OSGEP: variants seen among roughly 807,000 people sequenced by gnomAD.
OSGEP encodes tRNA N6-adenosine threonylcarbamoyltransferase.
OSGEP carries 39 observed loss-of-function variants against 44.1 expected under a neutral mutation model. That is an observed-to-expected ratio of 0.88 (90% confidence interval 0.69 to 1.16). OSGEP has a LOEUF of 1.16. Ranked by LOEUF, OSGEP falls within the 50% of genes most tolerant of loss-of-function variation. The pLI is 0.00. For synonymous variants in OSGEP, 139 were observed against 161.9 expected (o/e 0.86, Z 1.07); for missense variants, 403 against 443.1 (o/e 0.91, Z 0.81).
chr14:20,448,015 G>GA (rs779682776), intron 7 of OSGEP, 21 bp from the exon 8 acceptor site: 1 of 1,601,418 alleles, frequency 6.2e-7, no homozygotes, highest in Admixed American at 1.7e-5. Context: ...CAGATAAGGA[G>GA]AAAATATTAG....
rs1880964149 is a variant in OSGEP, at chr14:20,447,032, G to C, written c.*208C>G. 3 of 569,840 alleles carry C rather than the reference G, an allele frequency of 5.3e-6. No homozygotes were observed. The East Asian group carries it at 8.4e-5, about 16-fold the overall frequency. The allele number at this position is 569,840 out of a possible 1,614,324, so 35.3% of individuals were successfully genotyped here. A position where few individuals can be genotyped will look rare whatever the true frequency, so the allele number is the denominator to read the frequency against. On this transcript the variant is annotated 3_prime_UTR_variant, in exon 11 of 11. Coordinates refer to ENST00000206542, the MANE Select transcript of OSGEP (RefSeq NM_017807.4). ...CCAGCACCAAATCTACATTGGTCCT[G>C]AACAACACAATCCAATCACCAACAT...
rs750126181 is a variant in OSGEP, at chr14:20,448,185, G to A, written c.637-14C>T. The A allele has an allele frequency of 6.8e-6, 11 of 1,607,668 alleles. No individual in the cohort carries two copies. Among genetic ancestry groups the A allele is most frequent in the Non-Finnish European group, 7.7e-6 (9 of 1,174,292 alleles). On this transcript the variant is annotated splice_polypyrimidine_tract_variant and intron_variant, in intron 6 of 10. Coordinates refer to ENST00000206542, the MANE Select transcript of OSGEP (RefSeq NM_017807.4). ...ATGGGCTACATCCTACAATTAAAGGGAAAAACAAAAGAATCAACAAATCAT... is the reference window on the plus strand; with the variant it reads ...ATGGGCTACATCCTACAATTAAAGGAAAAAACAAAAGAATCAACAAATCAT...
At chr14:20,448,049 C>T in intron 7 of OSGEP, 55 bp from the exon 8 acceptor site, 1 of 1,587,528 alleles carries the variant, frequency 6.3e-7, no homozygotes, top group Non-Finnish European at 8.7e-7. Context: ...ATTAGTTCTG[C>T]TCTACAATAT....
rs527587514 is a variant in OSGEP, at chr14:20,451,424, G to C, written c.411+550C>G. 1.3e-3 allele frequency: 241 copies of C among 179,658 alleles called. 1 individual carries two copies. Among genetic ancestry groups the C allele is most frequent in the African/African-American group, 5.4e-3 (226 of 41,698 alleles). 11.1% of individuals were successfully genotyped at this position (179,658 alleles called of 1,614,324 possible). A position where few individuals can be genotyped will look rare whatever the true frequency, so the allele number is the denominator to read the frequency against. On this transcript the variant is annotated intron_variant, in intron 3 of 10. Coordinates refer to ENST00000206542, the MANE Select transcript of OSGEP (RefSeq NM_017807.4). Reference sequence around the variant, plus strand: ...TGGGTTCAAGTGATTCTCCTGCCCAGCCTCCGGAGTTGCTAGGATTACAGG... The same window carrying C: ...TGGGTTCAAGTGATTCTCCTGCCCACCCTCCGGAGTTGCTAGGATTACAGG...
At chr14:20,451,731 T>C (rs571734352) in intron 3 of OSGEP, 32 of 369,366 alleles carry the variant, frequency 8.7e-5, no homozygotes, top group South Asian at 7.4e-4. Context: ...TTTCCTGAAG[T>C]AGAAATTCCT....
chr14:20,451,084 G>A (rs1307348643), intron 3 of OSGEP, among the ~76,000 whole-genome samples: 1 of 151,324 alleles, frequency 6.6e-6, no homozygotes, highest in Non-Finnish European at 1.5e-5. Context: ...ACTCCAACCT[G>A]GACAATAAGA....
In OSGEP at chr14:20,452,347, A is replaced by C; in HGVS notation, c.217T>G (p.Cys73Gly). 6.2e-7 allele frequency: 1 copy of C among 1,613,976 alleles called. No individual in the cohort carries two copies. Among genetic ancestry groups the C allele is most frequent in the Non-Finnish European group, 8.5e-7 (1 of 1,179,966 alleles). The change falls in exon 2 of 11, where the codon TGC becomes GGC. Residue 73 changes from cysteine to glycine, a missense_variant. By Grantham distance (159) the Cys-to-Gly change is radical. Transcript: ENST00000206542. ...GCCATACCCTTGGTGTATGCAATGCAGTCGATATCCTGGGAGGTTAATCCA... is the reference window on the plus strand; with the variant it reads ...GCCATACCCTTGGTGTATGCAATGCCGTCGATATCCTGGGAGGTTAATCCA... ...ESGLTSQDIDCIAYTKGPGMG... is the reference protein window; with the variant it reads ...ESGLTSQDIDGIAYTKGPGMG...
At position 20,448,007 on chromosome 14, in the gene OSGEP, G is replaced by T; in HGVS notation, c.703-13C>A. The T allele has an allele frequency of 1.2e-6, 2 of 1,609,224 alleles. No homozygotes were observed. Among genetic ancestry groups the T allele is most frequent in the South Asian group, 1.1e-5 (1 of 90,984 alleles). On this transcript the variant is annotated splice_polypyrimidine_tract_variant and intron_variant, in intron 7 of 10. Coordinates refer to ENST00000206542, the MANE Select transcript of OSGEP (RefSeq NM_017807.4). ...CAAACACAGTTTCCTGTCAGGGACA[G>T]ATAAGGAGAAAATATTAGAGGGGCA...
Position 20,449,017 on chromosome 14 carries a change from G to C in OSGEP, c.508-4C>G. The C allele has an allele frequency of 6.2e-7, 1 of 1,612,728 alleles. No homozygotes were observed. ...CTGGACTTGGGTCGTTAGAAATCTA[G>C]CAGAAGAAAAAAATAAGGAAGGAGG... is the stretch of plus-strand genomic sequence containing the variant. On this transcript the variant is annotated splice_region_variant and splice_polypyrimidine_tract_variant and intron_variant, in intron 4 of 10. Coordinates refer to ENST00000206542, the MANE Select transcript of OSGEP (RefSeq NM_017807.4).
Position 20,454,679 on chromosome 14 carries a change from G to A in OSGEP, c.5C>T (p.Pro2Leu), listed in dbSNP as rs1279041523. The A allele has an allele frequency of 6.2e-7, 1 of 1,612,336 alleles. No individual in the cohort carries two copies. Among genetic ancestry groups the A allele is most frequent in the Non-Finnish European group, 8.5e-7 (1 of 1,178,528 alleles). Residue 2 changes from proline to leucine, a missense_variant, in exon 1 of 11, where the codon CCG (proline) becomes CTG (leucine). Transcript: ENST00000206542. M[P>L]AVLGFEGSAN... The stretch of plus-strand genomic sequence containing the variant: ...GCTGCCTTCAAAACCCAGCACCGCC[G>A]GCATGGCGGAGGCTGGGAGAAAACG...
At chr14:20,451,896 A>G (rs1460434016) in intron 3 of OSGEP, 78 bp downstream of exon 3, 4 of 1,268,684 alleles carry the variant, frequency 3.2e-6, no homozygotes, top group Non-Finnish European at 3.2e-6. Context: ...TGACATTCCC[A>G]TGACTCAGAT....
Position 20,447,209 on chromosome 14 carries a change from G to A in OSGEP, c.*31C>T, listed in dbSNP as rs768927797. ...ACGGGGTCCTTTGGGTTCCGATTAA[G>A]GAACTATCTACTCTGATTCTGTTGA... On this transcript the variant is annotated 3_prime_UTR_variant, in exon 11 of 11. Transcript: ENST00000206542. The A allele has an allele frequency of 6.2e-7, 1 of 1,602,412 alleles. No homozygotes were observed. The highest frequency in any genetic ancestry group is 1.7e-5 in the Admixed American group (1 of 60,004).
rs765292969 is a variant in OSGEP at position 20,447,660 on chromosome 14, G to T, written c.824C>A (p.Thr275Lys). 3.1e-6 allele frequency: 5 copies of T among 1,613,988 alleles called. No homozygotes were observed. The South Asian group carries it at 5.5e-5, about 18-fold the overall frequency. ...CNVRLQEMMATMCQERGARLF... is the reference protein window; with the variant it reads ...CNVRLQEMMAKMCQERGARLF... ...CCGGGCTCCACGTTCCTGGCACATTGTTGCCATCATCTCCTGTAGCCTCAC... is the reference window on the plus strand; with the variant it reads ...CCGGGCTCCACGTTCCTGGCACATTTTTGCCATCATCTCCTGTAGCCTCAC... The change falls in exon 9 of 11, where the codon ACA (threonine) becomes AAA (lysine). Residue 275 changes from threonine to lysine, a missense_variant. Thr to Lys is a moderately conservative substitution (Grantham distance 78). Transcript: ENST00000206542.
chr14:20,447,870 A>G, intron 8 of OSGEP, 34 bp downstream of exon 8: 1 of 1,470,396 alleles, frequency 6.8e-7, no homozygotes, highest in Non-Finnish European at 9.5e-7. Context: ...AGTGTTAAGA[A>G]TAGGAAAGAG....
intron 4 of OSGEP, 77 bp from the exon 5 acceptor site, chr14:20,449,090 T>C (rs932020485): frequency 6.0e-6 from 9 of 1,500,036 alleles, no homozygotes; most frequent in Non-Finnish European, 8.4e-6. Flanking sequence ...AAGAAGCTCA[T>C]TTACTATTTC....
At chr14:20,448,205 A>C (rs1196606664) in intron 6 of OSGEP, 34 bp from the exon 7 acceptor site, 7 of 1,579,750 alleles carry the variant, frequency 4.4e-6, no homozygotes, top group East Asian at 2.2e-5. Flanking sequence ...AGAATCAACA[A>C]ATCATGGTTT....
chr14:20,447,020 T>G lies in OSGEP; in HGVS notation c.*220A>C, dbSNP rs1880963660. 1 of 482,388 alleles carries G rather than the reference T, an allele frequency of 2.1e-6. No homozygotes were observed. The allele number at this position is 482,388 out of a possible 1,614,324, so 29.9% of individuals were successfully genotyped here. On this transcript the variant is annotated 3_prime_UTR_variant, in exon 11 of 11. Coordinates refer to ENST00000206542, the MANE Select transcript of OSGEP (RefSeq NM_017807.4). Reference sequence around the variant, plus strand: ...ACAAGAATTTATCCAGCACCAAATCTACATTGGTCCTGAACAACACAATCC... The same window carrying G: ...ACAAGAATTTATCCAGCACCAAATCGACATTGGTCCTGAACAACACAATCC...
chr14:20,450,135 C>T (rs2139291988), intron 3 of OSGEP: 1 of 152,062 alleles, frequency 6.6e-6, no homozygotes, highest in African/African-American at 2.4e-5. Flanking sequence ...CCTCTGCCTC[C>T]CAGGTTCAAG....
chr14:20,447,406 G>C lies in OSGEP; in HGVS notation c.968+16C>G, dbSNP rs186900509. On this transcript the variant is annotated intron_variant, in intron 10 of 10. Transcript: ENST00000206542. ...TGTCCCAATAATCTACCCTCACCAA[G>C]AGGTGAATCACTCACCTCTGTGTAA... is the stretch of plus-strand genomic sequence containing the variant. 4.1e-4 allele frequency: 653 copies of C among 1,608,404 alleles called. 2 individuals carry two copies. In the African/African-American group the frequency reaches 7.3e-3, roughly 18 times the overall value.
Sources: gnomAD v4.1 joint callset for allele counts (sites outside exome capture counted in the v4.1 genomes callset) on GRCh38, gnomAD v4.1.1 for gene constraint, MANE v1.5 for transcripts, NCBI Gene and HGNC (gene_info 2026-07-23, HGNC 2026-07-21) for gene names.